ERC2: variants seen among roughly 807,000 people sequenced by gnomAD.
The protein encoded by ERC2 is ERC protein 2.
In ERC2, 42 loss-of-function variants were observed where a neutral mutation model predicts 114.8. The observed-to-expected ratio is 0.37, with a 90% CI of 0.29 to 0.47. The LOEUF (loss-of-function observed/expected upper bound fraction) is 0.47. Ranked by LOEUF, ERC2 falls within the 20% of genes least tolerant of loss-of-function variation. The probability of loss-of-function intolerance (pLI) is 0.99; values close to 1 mark genes in which losing one functional copy is unlikely to be tolerated. For missense variants in ERC2, 939 were observed against 1,150.7 expected (o/e 0.82, Z 2.66); for synonymous variants, 454 against 425.5 (o/e 1.07, Z -0.82).
At chr3:56,467,503 A>C (rs763534189) in intron 1 of ERC2, among the ~76,000 whole-genome samples, 1 of 152,168 alleles carries the variant, frequency 6.6e-6, no homozygotes, top group Admixed American at 6.5e-5. Flanking sequence ...CCCGAACCAA[A>C]GCAGCTCTTA....
At chr3:55,714,667 G>GTGTGTGTATA (rs2063990871) in intron 15 of ERC2, among the ~76,000 whole-genome samples, 1 of 88,596 alleles carries the variant, frequency 1.1e-5, no homozygotes, top group African/African-American at 5.0e-5. Flanking sequence ...GTGTGTGTGT[G>GTGTGTGTATA]TATATATATA....
chr3:55,815,889 C>A (rs907267884), intron 14 of ERC2, among the ~76,000 whole-genome samples: 2 of 152,164 alleles, frequency 1.3e-5, no homozygotes, highest in Non-Finnish European at 2.9e-5. Flanking sequence ...CAGGTTACCA[C>A]TCTAAGAAAC....
rs1332773248 is a variant in ERC2 at position 56,098,678 on chromosome 3, G to T, written c.1474-17694C>A. 3.3e-5 allele frequency among the ~76,000 whole-genome samples: 5 copies of T among 152,142 alleles called. No homozygotes were observed. The East Asian group carries it at 9.6e-4, about 29-fold the overall frequency. ...ATCACAGGTCCACTCCAGTCTGTTG[G>T]AAGCAGCTTCATAGAGCCTAATGTT... On this transcript the variant is annotated intron_variant, in intron 6 of 17. Coordinates refer to ENST00000288221, the MANE Select transcript of ERC2 (RefSeq NM_015576.3).
chr3:55,715,316 C>T (rs1426423369), intron 15 of ERC2, among the ~76,000 whole-genome samples: 6 of 152,146 alleles, frequency 3.9e-5, no homozygotes, highest in Admixed American at 1.3e-4. Context: ...CTGAATGTCA[C>T]ATCATGGGCC....
chr3:55,967,216 G>A (rs1156664337), intron 12 of ERC2, among the ~76,000 whole-genome samples: 1 of 152,124 alleles, frequency 6.6e-6, no homozygotes, highest in Non-Finnish European at 1.5e-5. Context: ...TGTAGCTGTA[G>A]CATAATTTAG....
At chr3:56,441,051 C>T (rs1358755668) in intron 1 of ERC2, among the ~76,000 whole-genome samples, 1 of 152,218 alleles carries the variant, frequency 6.6e-6, no homozygotes, top group Non-Finnish European at 1.5e-5. Flanking sequence ...AGAGGAGACA[C>T]TGTTCCAGCT....
At position 55,734,770 on chromosome 3, in the gene ERC2, C is replaced by T. The variant is rs1352219309; in HGVS notation, c.2712+1G>A. ...CACACCTGTCTTGCAGGAGGCCCCA[C>T]CTGCTGCTTTAATTGATGTACTAGT... On this transcript the variant is annotated splice_donor_variant, in intron 15 of 17. Transcript: ENST00000288221. LOFTEE classifies it high-confidence loss of function. The T allele has an allele frequency of 6.2e-7, 1 of 1,608,170 alleles. No individual in the cohort carries two copies.
chr3:55,989,097 A>C (rs2070857381), intron 11 of ERC2, among the ~76,000 whole-genome samples: 1 of 152,212 alleles, frequency 6.6e-6, no homozygotes, highest in Non-Finnish European at 1.5e-5. Context: ...GCTGGACGCA[A>C]GACACGGGCA....
chr3:55,586,947 C>T (rs2057635341), intron 17 of ERC2, among the ~76,000 whole-genome samples: 1 of 152,178 alleles, frequency 6.6e-6, no homozygotes, highest in South Asian at 2.1e-4. Context: ...CCACTCATCC[C>T]TGTTTTCATT....
intron 14 of ERC2, among the ~76,000 whole-genome samples, chr3:55,772,955 C>A (rs370605540): frequency 6.6e-6 from 1 of 152,220 alleles, no homozygotes; most frequent in African/African-American, 2.4e-5. Context: ...TGACGCACCA[C>A]CCCACTGCCA....
chr3:55,609,337 C>T (rs889826972), intron 17 of ERC2, among the ~76,000 whole-genome samples: 1 of 152,240 alleles, frequency 6.6e-6, no homozygotes, highest in African/African-American at 2.4e-5. Context: ...CAGCATTCCT[C>T]CCCTAGCCAC....
chr3:56,369,131 C>T (rs1008020187), intron 2 of ERC2, among the ~76,000 whole-genome samples: 46 of 152,230 alleles, frequency 3.0e-4, no homozygotes, highest in African/African-American at 1.1e-3. Context: ...TCCACCTCCA[C>T]GTGATCATTC....
intron 2 of ERC2, among the ~76,000 whole-genome samples, chr3:56,347,754 C>T (rs963307446): frequency 1.1e-4 from 17 of 152,156 alleles, no homozygotes; most frequent in Non-Finnish European, 2.5e-4. Context: ...TTCAGCCCCA[C>T]TTGGCCCTTC....
chr3:55,871,755 C>T (rs563833930), intron 14 of ERC2, among the ~76,000 whole-genome samples: 2 of 152,144 alleles, frequency 1.3e-5, no homozygotes, highest in Admixed American at 6.5e-5. Flanking sequence ...GTGGTGTAAT[C>T]CTTCTGATTT....
Position 56,254,641 on chromosome 3 carries a change from G to A in ERC2, c.1074+41378C>T, listed in dbSNP as rs112130604. 9.1e-3 allele frequency among the ~76,000 whole-genome samples: 1,391 copies of A among 152,184 alleles called. 17 individuals are homozygous for A. The highest frequency in any genetic ancestry group is 0.031 in the African/African-American group (1,275 of 41,512). On this transcript the variant is annotated intron_variant, in intron 3 of 17. Coordinates refer to ENST00000288221, the MANE Select transcript of ERC2 (RefSeq NM_015576.3). ...TCTTATTATGTATGTGTCAAGTCCCGGGCCGGGATCTGAAAGCCCAAAATG... is the reference window on the plus strand; with the variant it reads ...TCTTATTATGTATGTGTCAAGTCCCAGGCCGGGATCTGAAAGCCCAAAATG...
chr3:55,864,144 T>TATATATATACACATATATATACAC (rs1559782939), intron 14 of ERC2, among the ~76,000 whole-genome samples: 4 of 116,486 alleles, frequency 3.4e-5, no homozygotes, highest in African/African-American at 1.5e-4. Context: ...TATATACATA[T>TATATATATACACATATATATACAC]ATATATATAT....
intron 2 of ERC2, among the ~76,000 whole-genome samples, chr3:56,344,525 G>A (rs537938556): frequency 1.4e-4 from 22 of 152,234 alleles, no homozygotes; most frequent in Admixed American, 4.6e-4. Flanking sequence ...CCAAAACCCC[G>A]AGGAGTGACA....
intron 14 of ERC2, among the ~76,000 whole-genome samples, chr3:55,874,473 C>T (rs2062732149): frequency 6.6e-6 from 1 of 152,018 alleles, no homozygotes; most frequent in African/African-American, 2.4e-5. Context: ...TGTTTTGGTG[C>T]TTTGACTTTA....
intron 8 of ERC2, among the ~76,000 whole-genome samples, chr3:56,017,354 C>G (rs1034489686): frequency 3.3e-5 from 5 of 152,146 alleles, no homozygotes; most frequent in Admixed American, 6.6e-5. Flanking sequence ...AGTAAGTAAA[C>G]ATCAGAATGA....
Sources: gnomAD v4.1 joint callset for allele counts (sites outside exome capture counted in the v4.1 genomes callset) on GRCh38, gnomAD v4.1.1 for gene constraint, MANE v1.5 for transcripts, NCBI Gene and HGNC (gene_info 2026-07-23, HGNC 2026-07-21) for gene names.